The following MROH2A variants were observed in gnomAD, a reference collection of about 807,000 sequenced individuals.
MROH2A encodes the protein maestro heat-like repeat-containing protein family member 2A.
In MROH2A, 174 loss-of-function variants were observed where a neutral mutation model predicts 200.4. The ratio of observed to expected loss-of-function variants is 0.87; its 90% CI spans 0.77 to 0.98. The LOEUF is 0.98. Ranked by LOEUF, MROH2A falls within the 50% of genes least tolerant of loss-of-function variation. The probability of loss-of-function intolerance (pLI) is 0.00; values close to 1 mark genes in which losing one functional copy is unlikely to be tolerated. For missense variants in MROH2A, 2,045 were observed against 2,139.6 expected (o/e 0.96, Z 0.87); for synonymous variants, 829 against 840.4 (o/e 0.99, Z 0.23).
chr2:233,798,948 A>G lies in MROH2A; in HGVS notation c.1329+98A>G, dbSNP rs1212041309. On this transcript the variant is annotated intron_variant, in intron 12 of 41. Transcript: ENST00000389758. ...TCTGGGAGGCAGAGGCTTTTGATGG[A>G]AAACCCGGCTTTCCATCGGGTCTCG... 27 of 978,034 alleles carry G rather than the reference A, an allele frequency of 2.8e-5. No individual in the cohort carries two copies. In the South Asian group the frequency reaches 3.6e-4, roughly 13 times the overall value. The allele number at this position is 978,034 out of a possible 1,614,324, so 60.6% of individuals were successfully genotyped here.
chr2:233,801,145 G>A (rs1702447070), intron 14 of MROH2A, among the ~76,000 whole-genome samples: 1 of 152,186 alleles, frequency 6.6e-6, no homozygotes, highest in African/African-American at 2.4e-5. Flanking sequence ...ATTTGCTCAA[G>A]GCCTCATATC....
At position 233,809,168 on chromosome 2, in the gene MROH2A, A is replaced by T. The variant is rs370343788; in HGVS notation, c.2338A>T (p.Met780Leu). ...GCGGGAGACAGTGAAAAGTGCCCTC[A>T]TGGTGATGTATAGCTGCGTGGCCTC... ...WRRETVKSAL[M>L]VMYSCVASYC... is the part of the protein sequence containing the mutation. The change falls in exon 22 of 42, where the codon ATG (methionine) becomes TTG (leucine). Residue 780 changes from methionine to leucine, a missense_variant. Around this residue, in one of 3 missense-constraint regions of MROH2A, gnomAD observed 1,201 missense variants for 1,311.3 expected, o/e 0.92. Transcript: ENST00000389758. The T allele has an allele frequency of 4.5e-6, 7 of 1,550,462 alleles. No individual in the cohort carries two copies. The highest frequency in any genetic ancestry group is 1.7e-4 in the Middle Eastern group (1 of 5,992).
At chr2:233,811,228 C>T (rs1559467195) in intron 23 of MROH2A, among the ~76,000 whole-genome samples, 1 of 152,246 alleles carries the variant, frequency 6.6e-6, no homozygotes, top group Non-Finnish European at 1.5e-5. Flanking sequence ...TGTAGCTTCC[C>T]TGTCTCTCCG....
Position 233,828,944 on chromosome 2 carries a change from C to A in MROH2A, c.4318C>A (p.Pro1440Thr). 6.4e-7 allele frequency: 1 copy of A among 1,550,518 alleles called. No individual in the cohort carries two copies. The highest frequency in any genetic ancestry group is 8.7e-7 in the Non-Finnish European group (1 of 1,146,986). The change falls in exon 37 of 42, where the codon CCC (proline) becomes ACC (threonine). Residue 1440 changes from proline to threonine, a missense_variant. Pro to Thr is a conservative substitution (Grantham distance 38). Coordinates refer to ENST00000389758, the MANE Select transcript of MROH2A (RefSeq NM_001394639.1). The surrounding 1 kb of genome is among the most constrained non-coding windows in gnomAD (Gnocchi z 4.6). ...LEKCLGPLRE[P>T]VSNSVTAEGM... The stretch of plus-strand genomic sequence containing the variant: ...GAAGTGCCTGGGCCCCCTGAGGGAG[C>A]CCGTGAGCAACAGCGTGACTGCCGA...
chr2:233,780,117 C>T (rs1700877267), intron 3 of MROH2A, among the ~76,000 whole-genome samples: 1 of 152,176 alleles, frequency 6.6e-6, no homozygotes, highest in African/African-American at 2.4e-5. Context: ...GATGTTGAGC[C>T]AGTGGGCATG....
chr2:233,798,614 G>A (rs1351578835), intron 11 of MROH2A, among the ~76,000 whole-genome samples, 160 bp from the exon 12 acceptor site: 1 of 152,230 alleles, frequency 6.6e-6, no homozygotes, highest in Non-Finnish European at 1.5e-5. Flanking sequence ...AGAGGGGAGG[G>A]AGATGGCCAG....
chr2:233,831,382 C>T, intron 38 of MROH2A, 27 bp from the exon 39 acceptor site: 1 of 1,532,554 alleles, frequency 6.5e-7, no homozygotes, highest in Middle Eastern at 1.7e-4. Context: ...TGGCTGATGG[C>T]TCTGCTGCCG....
intron 41 of MROH2A, 126 bp downstream of exon 41, chr2:233,832,770 G>A: frequency 1.5e-6 from 1 of 676,462 alleles, no homozygotes; most frequent in Non-Finnish European, 2.6e-6. Context: ...GGGTGGGAGT[G>A]CAACCAGGGC....
At chr2:233,798,917 C>T in intron 12 of MROH2A, 67 bp downstream of exon 12, 1 of 1,302,900 alleles carries the variant, frequency 7.7e-7, no homozygotes. Flanking sequence ...AAAGGGAAGT[C>T]TGGGCTCTGG....
At chr2:233,816,736 C>T in intron 26 of MROH2A, 45 bp from the exon 27 acceptor site, 1 of 1,393,502 alleles carries the variant, frequency 7.2e-7, no homozygotes, top group South Asian at 1.2e-5. Flanking sequence ...AGGGCTGGCC[C>T]CAGGATTTTA....
intron 6 of MROH2A, 130 bp from the exon 7 acceptor site, chr2:233,793,543 G>A (rs1701915846): frequency 1.2e-6 from 1 of 821,426 alleles, no homozygotes; most frequent in Non-Finnish European, 1.7e-6. Context: ...TGGGGGGTTG[G>A]AAGGGCAGGG....
chr2:233,802,116 G>A (rs1702510673), intron 14 of MROH2A, 52 bp from the exon 15 acceptor site: 2 of 1,509,414 alleles, frequency 1.3e-6, no homozygotes, highest in Admixed American at 4.2e-5. Flanking sequence ...CTCCTTAGAA[G>A]CCCAGGGCTT....
chr2:233,831,347 C>T (rs1009024841), intron 38 of MROH2A, 62 bp from the exon 39 acceptor site: 1 of 1,480,444 alleles, frequency 6.8e-7, no homozygotes, highest in Non-Finnish European at 9.0e-7. Flanking sequence ...CTGCCAGCCT[C>T]ACCCCTCTGG....
intron 2 of MROH2A, 80 bp from the exon 3 acceptor site, chr2:233,779,591 G>A: frequency 6.8e-7 from 1 of 1,477,574 alleles, no homozygotes. Context: ...CTGCGCAGGT[G>A]GAGGCAAGGC....
intron 11 of MROH2A, among the ~76,000 whole-genome samples, chr2:233,797,432 C>T (rs1702185906): frequency 6.6e-6 from 1 of 152,108 alleles, no homozygotes; most frequent in Non-Finnish European, 1.5e-5. Flanking sequence ...GTGGAATAAA[C>T]AATATATCTG....
intron 24 of MROH2A, among the ~76,000 whole-genome samples, chr2:233,813,326 C>A (rs931804224): frequency 9.2e-5 from 14 of 152,152 alleles, no homozygotes; most frequent in Non-Finnish European, 1.0e-4. Context: ...CCTTGAAAGC[C>A]CCTGGACTAG....
rs769316897 is a variant in MROH2A, at chr2:233,807,435, C to T, written c.2065C>T (p.Arg689Trp). ...SPSLEKGFLY[R>W]ALGFTLATGL... ...TCTGCCTCTCCAGGGCTTTCTGTAC[C>T]GGGCCTTGGGCTTCACCTTGGCCAC... Residue 689 changes from arginine to tryptophan, a missense_variant, in exon 20 of 42, where the codon CGG becomes TGG. Coordinates refer to ENST00000389758, the MANE Select transcript of MROH2A (RefSeq NM_001394639.1). The surrounding 1 kb of genome is among the most constrained non-coding windows in gnomAD (Gnocchi z 4.3). The T allele has an allele frequency of 6.1e-5, 95 of 1,550,300 alleles. No individual in the cohort carries two copies. The highest frequency in any genetic ancestry group is 1.7e-4 in the Middle Eastern group (1 of 5,998).
intron 6 of MROH2A, 140 bp from the exon 7 acceptor site, chr2:233,793,533 T>G: frequency 1.5e-6 from 1 of 675,498 alleles, no homozygotes; most frequent in Non-Finnish European, 2.2e-6. Flanking sequence ...GAAGGTGCTG[T>G]GGGGGGTTGG....
chr2:233,821,616 T>C lies in MROH2A; in HGVS notation c.3513-508T>C, dbSNP rs551870114. ...ATCCCTTCTCAGCAGGGCCATGGGC[T>C]TGGACTTGGAAACCAGGAAGGCCCT... On this transcript the variant is annotated intron_variant, in intron 31 of 41. Transcript: ENST00000389758. Among the ~76,000 whole-genome samples, 3 of 152,376 alleles carry C rather than the reference T, an allele frequency of 2.0e-5. No homozygotes were observed. The South Asian group carries it at 6.2e-4, about 32-fold the overall frequency.
Sources: allele counts gnomAD v4.1 joint callset (sites outside exome capture counted in the v4.1 genomes callset), GRCh38; gene constraint gnomAD v4.1.1; regional missense constraint gnomAD v4.1.1; non-coding constraint Gnocchi (gnomAD v3.1); transcripts MANE v1.5; gene names NCBI Gene and HGNC (gene_info 2026-07-23, HGNC 2026-07-21).